Variants in ARHGEF39 observed in about 807,000 individuals in gnomAD.
ARHGEF39 encodes Rho guanine nucleotide exchange factor 39.
A neutral mutation model predicts 47.5 loss-of-function variants in ARHGEF39; 45 were observed. The ratio of observed to expected loss-of-function variants is 0.95; its 90% CI spans 0.75 to 1.22. The LOEUF is 1.22. ARHGEF39 is among the 50% of genes most tolerant of loss of function. The probability of loss-of-function intolerance (pLI) is 0.00; values close to 1 mark genes in which losing one functional copy is unlikely to be tolerated. For missense variants in ARHGEF39, 411 were observed against 425.3 expected, an observed-to-expected ratio of 0.97 and a Z score of 0.30; for synonymous variants, 164 against 167.8, an observed-to-expected ratio of 0.98 and a Z score of 0.17.
rs1301567678 is a variant in ARHGEF39, at chr9:35,659,651, C to A, written c.*2336G>T. 6.6e-6 allele frequency: 1 copy of A among 152,196 alleles called. No homozygotes were observed. The highest frequency in any genetic ancestry group is 1.5e-5 in the Non-Finnish European group (1 of 68,046). 9.4% of individuals were successfully genotyped at this position (152,196 alleles called of 1,614,324 possible). A position where few individuals can be genotyped will look rare whatever the true frequency, so the allele number is the denominator to read the frequency against. ...ACCAGAGAAAACCACCGTCAATGAG[C>A]ACTGACTGTAAAGACTGACGTTAAT... On this transcript the variant is annotated 3_prime_UTR_variant, in exon 9 of 9. Transcript: ENST00000378387.
At position 35,664,742 on chromosome 9, in the gene ARHGEF39, C is replaced by G; in HGVS notation, c.233+14G>C. On this transcript the variant is annotated intron_variant, in intron 2 of 8. Coordinates refer to ENST00000378387, the MANE Select transcript of ARHGEF39 (RefSeq NM_032818.3). Reference sequence around the variant, plus strand: ...CTCTCCCTCCTTTCCTCTCCCTGTGCCCCTTCCACTCACTGGCTGGCGCCG... The same window carrying G: ...CTCTCCCTCCTTTCCTCTCCCTGTGGCCCTTCCACTCACTGGCTGGCGCCG... 1.2e-6 allele frequency: 2 copies of G among 1,607,594 alleles called. No homozygotes were observed. Among genetic ancestry groups the G allele is most frequent in the Admixed American group, 1.7e-5 (1 of 58,888 alleles).
rs938278755 is a variant in ARHGEF39, at chr9:35,661,660, T to C, written c.*327A>G. ...GACTTGGTTTCCTGATTCTTCTTTT[T>C]TAATAAAATTTCTTAATTATTTTTT... On this transcript the variant is annotated 3_prime_UTR_variant, in exon 9 of 9. Transcript: ENST00000378387. 2.4e-6 allele frequency: 1 copy of C among 421,884 alleles called. No homozygotes were observed. The highest frequency in any genetic ancestry group is 4.2e-6 in the Non-Finnish European group (1 of 239,394). The allele number at this position is 421,884 out of a possible 1,614,324, so 26.1% of individuals were successfully genotyped here. A position where few individuals can be genotyped will look rare whatever the true frequency, so the allele number is the denominator to read the frequency against.
Position 35,664,063 on chromosome 9 carries a change from A to G in ARHGEF39, c.418T>C (p.Phe140Leu). 1 of 1,613,962 alleles carries G rather than the reference A, an allele frequency of 6.2e-7. No individual in the cohort carries two copies. Among genetic ancestry groups the G allele is most frequent in the Non-Finnish European group, 8.5e-7 (1 of 1,179,926 alleles). The stretch of plus-strand genomic sequence containing the variant: ...AGGTCCTGGAGCTGAAGGCCCCCAA[A>G]CTCAGGGCGGCCTTCCTGAAGCCGT... ...FVRLQEGRPE[F>L]GGLQLQDLLP... The change falls in exon 4 of 9, where the codon TTT becomes CTT. Residue 140 changes from phenylalanine (F) to leucine (L), a missense_variant. By Grantham distance (22) the Phe-to-Leu change is conservative (BLOSUM62 0). Transcript: ENST00000378387.
At position 35,661,048 on chromosome 9, in the gene ARHGEF39, A is replaced by AC; in HGVS notation, c.*938dup. 2 of 1,614,146 alleles carry AC rather than the reference A, an allele frequency of 1.2e-6. No individual in the cohort carries two copies. Among genetic ancestry groups the AC allele is most frequent in the Non-Finnish European group, 1.7e-6 (2 of 1,180,018 alleles). ...ACAAACTGGAGCACAGAGACATGGA[A>AC]CCTAGCTACTTCCTGGGAGGTGGGG... On this transcript the variant is annotated 3_prime_UTR_variant, in exon 9 of 9. Coordinates refer to ENST00000378387, the MANE Select transcript of ARHGEF39 (RefSeq NM_032818.3).
rs145670939 is a variant in ARHGEF39, at chr9:35,660,830, G to A, written c.*1157C>T. 1.8e-5 allele frequency: 29 copies of A among 1,614,188 alleles called. No individual in the cohort carries two copies. Among genetic ancestry groups the A allele is most frequent in the East Asian group, 8.9e-5 (4 of 44,888 alleles). On this transcript the variant is annotated 3_prime_UTR_variant, in exon 9 of 9. Coordinates refer to ENST00000378387, the MANE Select transcript of ARHGEF39 (RefSeq NM_032818.3). ...ACGAGCTGCTGCAAGATAGCAAGCC[G>A]GACAAGGATATGGAGGCTTCAGAAC...
Position 35,663,337 on chromosome 9 carries a change from G to A in ARHGEF39, c.529C>T (p.His177Tyr), listed in dbSNP as rs530739960. The change falls in exon 5 of 9, where the codon CAT becomes TAT. Residue 177 changes from histidine (H) to tyrosine (Y), a missense_variant. By Grantham distance (83) the His-to-Tyr change is moderately conservative. Transcript: ENST00000378387. The part of the protein sequence containing the change: ...AENTGPNSPD[H>Y]QQLTRAARLI... ...AAGAACCTACGTGTGAGCTGTTGAT[G>A]GTCAGGGCTGTTGGGACCTGTGTTT... 1 of 1,614,004 alleles carries A rather than the reference G, an allele frequency of 6.2e-7. No individual in the cohort carries two copies. Among genetic ancestry groups the A allele is most frequent in the African/African-American group, 1.3e-5 (1 of 75,004 alleles).
rs1489266759 is a variant in ARHGEF39, at chr9:35,659,844, C to T, written c.*2143G>A. On this transcript the variant is annotated 3_prime_UTR_variant, in exon 9 of 9. Coordinates refer to ENST00000378387, the MANE Select transcript of ARHGEF39 (RefSeq NM_032818.3). ...CTTTGTGCATGAACTGTCTAACAAC[C>T]AAAGTTTTTGTTTTTTTCGAGATGG... The T allele has an allele frequency of 6.6e-6, 1 of 152,566 alleles. No individual in the cohort carries two copies. Among genetic ancestry groups the T allele is most frequent in the Admixed American group, 6.5e-5 (1 of 15,288 alleles). The allele number at this position is 152,566 out of a possible 1,614,324, so 9.5% of individuals were successfully genotyped here.
At chr9:35,663,480 T>G in intron 4 of ARHGEF39, 88 bp from the exon 5 acceptor site, 1 of 1,155,372 alleles carries the variant, frequency 8.7e-7, no homozygotes. Flanking sequence ...CTACCCATAC[T>G]TCAATTGAAG....
rs961935023 is a variant in ARHGEF39 at position 35,663,370 on chromosome 9, A to T, written c.496T>A (p.Leu166Met). Residue 166 changes from leucine (L) to methionine (M), a missense_variant, in exon 5 of 9, where the codon TTG (leucine) becomes ATG (methionine). Coordinates refer to ENST00000378387, the MANE Select transcript of ARHGEF39 (RefSeq NM_032818.3). Reference protein sequence around the residue: ...LQQYENLVVALAENTGPNSPD... With the variant: ...LQQYENLVVAMAENTGPNSPD... The stretch of plus-strand genomic sequence containing the variant: ...CTGTTGGGACCTGTGTTTTCAGCCA[A>T]AGCTACGACGAGATTCTCATACCTG... The T allele has an allele frequency of 1.9e-6, 3 of 1,613,762 alleles. No individual in the cohort carries two copies. The highest frequency in any genetic ancestry group is 1.7e-5 in the Admixed American group (1 of 60,002).
In ARHGEF39 at chr9:35,664,769, A is replaced by G; in HGVS notation, c.220T>C (p.Tyr74His). The G allele has an allele frequency of 6.2e-7, 1 of 1,612,756 alleles. No individual in the cohort carries two copies. Among genetic ancestry groups the G allele is most frequent in the Non-Finnish European group, 8.5e-7 (1 of 1,179,804 alleles). The change falls in exon 2 of 9, where the codon TAC (tyrosine) becomes CAC (histidine). Residue 74 changes from tyrosine to histidine, a missense_variant. Transcript: ENST00000378387. ...CCTTCCACTCACTGGCTGGCGCCGTAGATGAGCTCCCAGGAGCCAAACAGG... is the reference window on the plus strand; with the variant it reads ...CCTTCCACTCACTGGCTGGCGCCGTGGATGAGCTCCCAGGAGCCAAACAGG... ...QALFGSWELI[Y>H]GASQELLPYL...
Position 35,662,926 on chromosome 9 carries a change from A to G in ARHGEF39, c.673+20T>C. On this transcript the variant is annotated intron_variant, in intron 6 of 8. Coordinates refer to ENST00000378387, the MANE Select transcript of ARHGEF39 (RefSeq NM_032818.3). ...AAAAGATGGGGCAGTTGAGGATTGA[A>G]GGGGAAGTAGGCAAGCTACCTGAGG... 1 of 1,604,622 alleles carries G rather than the reference A, an allele frequency of 6.2e-7. No homozygotes were observed. Among genetic ancestry groups the G allele is most frequent in the Non-Finnish European group, 8.5e-7 (1 of 1,172,132 alleles).
In ARHGEF39 at chr9:35,660,354, G is replaced by A; in HGVS notation, c.*1633C>T. ...TGGCTCTGGAGACTGAGGTGATGGA[G>A]CAGAACCTTGTTGCTTCAGTACTGC... On this transcript the variant is annotated 3_prime_UTR_variant, in exon 9 of 9. Transcript: ENST00000378387. 6.6e-7 allele frequency: 1 copy of A among 1,510,092 alleles called. No individual in the cohort carries two copies. Among genetic ancestry groups the A allele is most frequent in the Non-Finnish European group, 8.9e-7 (1 of 1,119,546 alleles). 93.5% of individuals were successfully genotyped at this position (1,510,092 alleles called of 1,614,324 possible).
chr9:35,663,340 C>A lies in ARHGEF39; in HGVS notation c.526G>T (p.Asp176Tyr). 1 of 1,614,066 alleles carries A rather than the reference C, an allele frequency of 6.2e-7. No individual in the cohort carries two copies. ...AACCTACGTGTGAGCTGTTGATGGT[C>A]AGGGCTGTTGGGACCTGTGTTTTCA... The part of the protein sequence containing the change: ...LAENTGPNSP[D>Y]HQQLTRAARL... The change falls in exon 5 of 9, where the codon GAC becomes TAC. Residue 176 changes from aspartate (D) to tyrosine (Y), a missense_variant. Asp to Tyr is a radical substitution (Grantham distance 160). Transcript: ENST00000378387.
At position 35,663,409 on chromosome 9, in the gene ARHGEF39, G is replaced by C. The variant is rs767301516; in HGVS notation, c.474-17C>G. The C allele has an allele frequency of 6.2e-7, 1 of 1,609,374 alleles. No homozygotes were observed. ...TTCTCATACCTGGAATTCAACAGTG[G>C]GAAGTCTGAGGGGAAGCAGAGCCAG... On this transcript the variant is annotated splice_polypyrimidine_tract_variant and intron_variant, in intron 4 of 8. Coordinates refer to ENST00000378387, the MANE Select transcript of ARHGEF39 (RefSeq NM_032818.3).
At position 35,664,018 on chromosome 9, in the gene ARHGEF39, G is replaced by A. The variant is rs771682411; in HGVS notation, c.463C>T (p.Arg155Trp). The A allele has an allele frequency of 1.2e-6, 2 of 1,613,892 alleles. No individual in the cohort carries two copies. Among genetic ancestry groups the A allele is most frequent in the South Asian group, 1.1e-5 (1 of 91,068 alleles). Residue 155 changes from arginine to tryptophan, a missense_variant, in exon 4 of 9, where the codon CGG becomes TGG. Arg to Trp is a moderately radical substitution (Grantham distance 101, BLOSUM62 -3). Coordinates refer to ENST00000378387, the MANE Select transcript of ARHGEF39 (RefSeq NM_032818.3). ...CAAGAGTTCACTCACTGCTGGAGCCGTTGCAGAGGCAGAGGGAGCAGGTCC... is the reference window on the plus strand; with the variant it reads ...CAAGAGTTCACTCACTGCTGGAGCCATTGCAGAGGCAGAGGGAGCAGGTCC... ...LQDLLPLPLQ[R>W]LQQYENLVVA...
In ARHGEF39 at chr9:35,660,312, T is replaced by C; in HGVS notation, c.*1675A>G. 8.8e-7 allele frequency: 1 copy of C among 1,135,510 alleles called. No individual in the cohort carries two copies. The highest frequency in any genetic ancestry group is 2.4e-5 in the East Asian group (1 of 42,144). 70.3% of individuals were successfully genotyped at this position (1,135,510 alleles called of 1,614,324 possible). A position where few individuals can be genotyped will look rare whatever the true frequency, so the allele number is the denominator to read the frequency against. ...ACCCAATCACTGTCTCCATCTCAAA[T>C]TGCACTCTCTCTTGGCTGGCTCTGG... On this transcript the variant is annotated 3_prime_UTR_variant, in exon 9 of 9. Transcript: ENST00000378387.
rs754842084 is a variant in ARHGEF39 at position 35,663,323 on chromosome 9, T to C, written c.543A>G (p.Thr181=). ...CGTTGCCGAGGAGCAAGAACCTACGTGTGAGCTGTTGATGGTCAGGGCTGT... is the reference window on the plus strand; with the variant it reads ...CGTTGCCGAGGAGCAAGAACCTACGCGTGAGCTGTTGATGGTCAGGGCTGT... The part of the protein sequence containing the change: ...GPNSPDHQQL[T]RAARLISETA... The change falls in exon 5 of 9, where the codon ACA becomes ACG. Residue 181 remains threonine (T), a splice_region_variant and synonymous_variant. Coordinates refer to ENST00000378387, the MANE Select transcript of ARHGEF39 (RefSeq NM_032818.3). The C allele has an allele frequency of 1.4e-5, 23 of 1,613,818 alleles. No individual in the cohort carries two copies. In the African/African-American group the frequency reaches 2.8e-4, roughly 20 times the overall value.
rs1459593193 is a variant in ARHGEF39 at position 35,662,174 on chromosome 9, C to A, written c.992+5G>T. On this transcript the variant is annotated splice_donor_5th_base_variant and intron_variant, in intron 8 of 8. Transcript: ENST00000378387. ...GCACCCTTCCTGGGGGAAGACACAA[C>A]TTACCTGATAGCCCAAGTCAGACTG... 1 of 1,613,850 alleles carries A rather than the reference C, an allele frequency of 6.2e-7. No homozygotes were observed. The highest frequency in any genetic ancestry group is 8.5e-7 in the Non-Finnish European group (1 of 1,179,832).
In ARHGEF39 at chr9:35,664,121, C is replaced by G; in HGVS notation, c.360G>C (p.Gln120His). 6.2e-7 allele frequency: 1 copy of G among 1,613,920 alleles called. No individual in the cohort carries two copies. Among genetic ancestry groups the G allele is most frequent in the Non-Finnish European group, 8.5e-7 (1 of 1,179,796 alleles). ...TCCGGAAACCTTTATTTTTCTTTAG[C>G]TGCTCCTGGAGTGAGGGAGAAAGGA... The part of the protein sequence containing the change: ...SERSQTTLQE[Q>H]LKKNKGFRRF... Residue 120 changes from glutamine to histidine, a missense_variant, in exon 4 of 9, where the codon CAG becomes CAC. By Grantham distance (24) the Gln-to-His change is conservative (BLOSUM62 0). Transcript: ENST00000378387.
Sources: allele counts gnomAD v4.1 joint callset, GRCh38; gene constraint gnomAD v4.1.1; transcripts MANE v1.5; gene names NCBI Gene and HGNC (gene_info 2026-07-23, HGNC 2026-07-21).